Variants in RNF144A observed in about 807,000 individuals in gnomAD.
RNF144A encodes the protein E3 ubiquitin-protein ligase RNF144A.
In RNF144A, 11 loss-of-function variants were observed where a neutral mutation model predicts 38.7. That is an observed-to-expected ratio of 0.28 (90% CI 0.18 to 0.47). RNF144A has a LOEUF of 0.47. Among genes scored for constraint, RNF144A ranks in the 20% least tolerant of loss-of-function variants. The pLI, the probability that RNF144A is intolerant of heterozygous loss-of-function variation, is 0.99. For missense variants in RNF144A, 316 were observed against 377.2 expected (o/e 0.84, Z 1.34); for synonymous variants, 149 against 143.9 (o/e 1.04, Z -0.25).
intron 2 of RNF144A, among the ~76,000 whole-genome samples, chr2:6,968,989 G>A (rs1268643960): frequency 6.6e-6 from 1 of 152,218 alleles, no homozygotes; most frequent in Non-Finnish European, 1.5e-5. Flanking sequence ...GTCTCAGGGT[G>A]CACCCTGGTA....
intron 1 of RNF144A, among the ~76,000 whole-genome samples, chr2:6,929,004 A>G (rs1665053174): frequency 6.6e-6 from 1 of 152,172 alleles, no homozygotes; most frequent in African/African-American, 2.4e-5. Context: ...TGCTCCCTAG[A>G]CACAGCAGAC....
At chr2:6,993,224 A>G (rs1669509563) in intron 2 of RNF144A, among the ~76,000 whole-genome samples, 1 of 152,158 alleles carries the variant, frequency 6.6e-6, no homozygotes, top group Non-Finnish European at 1.5e-5. Flanking sequence ...CTGTTGGGGA[A>G]AGAATAGTGA....
At position 7,017,321 on chromosome 2, in the gene RNF144A, G is replaced by T. The variant is rs58100576; in HGVS notation, c.301+2549G>T. On this transcript the variant is annotated intron_variant, in intron 5 of 8. Transcript: ENST00000320892. ...TGTATTGTTTTTTTTTTTGTTCTTTGTTTTTTTTTTTTAAAGTAAAGCTCA... is the reference window on the plus strand; with the variant it reads ...TGTATTGTTTTTTTTTTTGTTCTTTTTTTTTTTTTTTTAAAGTAAAGCTCA... Among the ~76,000 whole-genome samples the T allele has an allele frequency of 2.8e-3, 410 of 145,750 alleles. 4 individuals are homozygous for T. The highest frequency in any genetic ancestry group is 9.5e-3 in the African/African-American group (375 of 39,466).
chr2:7,034,220 C>G (rs970374089), intron 8 of RNF144A, among the ~76,000 whole-genome samples: 2 of 151,158 alleles, frequency 1.3e-5, no homozygotes, highest in African/African-American at 4.9e-5. Flanking sequence ...TGCAGTGATC[C>G]AAGATCGTGC....
chr2:6,993,848 TATC>T (rs1669552266), intron 2 of RNF144A, among the ~76,000 whole-genome samples: 1 of 152,158 alleles, frequency 6.6e-6, no homozygotes, highest in Non-Finnish European at 1.5e-5. Context: ...TAACCTGACA[TATC>T]ATAATGACTT....
intron 1 of RNF144A, among the ~76,000 whole-genome samples, chr2:6,936,291 T>A (rs10209660): frequency 0.28 from 41,911 of 152,144 alleles, 5,916 homozygotes; most frequent in Middle Eastern, 0.37. Flanking sequence ...CACTAACTGA[T>A]GGCATATATA....
chr2:6,980,722 T>C (rs1668578125), intron 2 of RNF144A, among the ~76,000 whole-genome samples: 1 of 152,250 alleles, frequency 6.6e-6, no homozygotes, highest in Non-Finnish European at 1.5e-5. Flanking sequence ...TGCAGGACAG[T>C]GGCCCTCTTC....
chr2:7,030,238 G>A (rs745774769), intron 8 of RNF144A, 23 bp downstream of exon 8: 2 of 1,488,198 alleles, frequency 1.3e-6, no homozygotes, highest in Non-Finnish European at 1.9e-6. Context: ...TTGCCTGGAA[G>A]GTTGATCTCA....
intron 3 of RNF144A, among the ~76,000 whole-genome samples, chr2:7,010,554 C>G (rs1366002511): frequency 6.6e-6 from 1 of 152,166 alleles, no homozygotes; most frequent in African/African-American, 2.4e-5. Context: ...AGATATTTCT[C>G]TGTGGCCACT....
intron 2 of RNF144A, among the ~76,000 whole-genome samples, chr2:6,987,036 C>T (rs541944011): frequency 2.0e-5 from 3 of 152,100 alleles, no homozygotes; most frequent in Admixed American, 6.5e-5. Context: ...ATCTCATTCC[C>T]GGATGGGGGT....
Position 7,039,683 on chromosome 2 carries a change from C to T in RNF144A, c.802C>T (p.Leu268=). Residue 268 remains leucine (L), a synonymous_variant, in exon 9 of 9, where the codon CTA becomes TTA. Transcript: ENST00000320892. ...GCTGCTCTTGGTGGCCTCACCTTTC[C>T]TACTCCTGGCCACTCCCTTTGTACT... ...GLLLLVASPF[L]LLATPFVLCC... is the part of the protein sequence containing the mutation. The T allele has an allele frequency of 1.2e-6, 2 of 1,614,056 alleles. No homozygotes were observed. The highest frequency in any genetic ancestry group is 1.7e-6 in the Non-Finnish European group (2 of 1,179,988).
intron 3 of RNF144A, among the ~76,000 whole-genome samples, chr2:7,009,513 G>A (rs1284264170): frequency 7.6e-6 from 1 of 131,764 alleles, no homozygotes; most frequent in African/African-American, 2.9e-5. Flanking sequence ...TTTATTTTAC[G>A]CATAAAGTCT....
chr2:7,070,893 T>C (rs13420917), downstream of RNF144A, among the ~76,000 whole-genome samples: 36,162 of 151,294 alleles, frequency 0.24, 5,200 homozygotes, highest in East Asian at 0.49. Context: ...CAGAACTGTG[T>C]GCCAATACAT....
chr2:6,984,536 T>C (rs1668835360), intron 2 of RNF144A, among the ~76,000 whole-genome samples: 1 of 152,116 alleles, frequency 6.6e-6, no homozygotes, highest in African/African-American at 2.4e-5. Context: ...GCTCCTGACC[T>C]CATGATCCGC....
In RNF144A at chr2:7,042,380, A is replaced by G. The variant is rs1194664323; in HGVS notation, c.*2620A>G. The G allele has an allele frequency of 1.0e-6, 1 of 985,348 alleles. No homozygotes were observed. The highest frequency in any genetic ancestry group is 1.2e-6 in the Non-Finnish European group (1 of 829,960). 61.0% of individuals were successfully genotyped at this position (985,348 alleles called of 1,614,324 possible). A position where few individuals can be genotyped will look rare whatever the true frequency, so the allele number is the denominator to read the frequency against. ...CTGTGAAGCGGCATAATTTGTCTCC[A>G]TTGAAAAATGGCATTCACTCTTACA... On this transcript the variant is annotated 3_prime_UTR_variant, in exon 9 of 9. Transcript: ENST00000320892.
intron 1 of RNF144A, among the ~76,000 whole-genome samples, chr2:6,934,905 A>G (rs1558361256): frequency 2.6e-5 from 4 of 152,164 alleles, no homozygotes; most frequent in Admixed American, 2.6e-4. Context: ...GCTTTTGCCA[A>G]TATTGTGCAT....
rs1215132022 is a variant in RNF144A, at chr2:7,042,333, C to T, written c.*2573C>T. 8.1e-6 allele frequency: 8 copies of T among 985,284 alleles called. No homozygotes were observed. The highest frequency in any genetic ancestry group is 2.3e-4 in the East Asian group (2 of 8,820). 61.0% of individuals were successfully genotyped at this position (985,284 alleles called of 1,614,324 possible). A position where few individuals can be genotyped will look rare whatever the true frequency, so the allele number is the denominator to read the frequency against. ...CCCCAGTAAAACCTGGGGAGTTCTG[C>T]GTTGAGTGGACGGACTTATTCCTGT... On this transcript the variant is annotated 3_prime_UTR_variant, in exon 9 of 9. Coordinates refer to ENST00000320892, the MANE Select transcript of RNF144A (RefSeq NM_014746.6).
At chr2:7,019,113 T>C (rs1388277210) in intron 5 of RNF144A, among the ~76,000 whole-genome samples, 2 of 152,194 alleles carry the variant, frequency 1.3e-5, no homozygotes, top group Non-Finnish European at 2.9e-5. Flanking sequence ...TATCCGACCC[T>C]CTGCAGAGGA....
At chr2:6,953,276 A>G (rs1666799602) in intron 2 of RNF144A, among the ~76,000 whole-genome samples, 1 of 152,116 alleles carries the variant, frequency 6.6e-6, no homozygotes, top group Non-Finnish European at 1.5e-5. Flanking sequence ...AAAAAATACA[A>G]AAATTAGAGC....
Sources: gnomAD v4.1 joint callset for allele counts (sites outside exome capture counted in the v4.1 genomes callset) on GRCh38, gnomAD v4.1.1 for gene constraint, MANE v1.5 for transcripts, NCBI Gene and HGNC (gene_info 2026-07-23, HGNC 2026-07-21) for gene names.